Variants in LRP2 observed in about 807,000 individuals in gnomAD.
LRP2 encodes the protein low-density lipoprotein receptor-related protein 2.
Under a neutral mutation model 531.0 loss-of-function variants are expected in LRP2, and 172 were observed. The ratio of observed to expected loss-of-function variants is 0.32; its 90% CI spans 0.29 to 0.37. LRP2 has a LOEUF of 0.37. LRP2 is among the 10% of genes least tolerant of loss of function. LRP2 has a pLI of 1.00. For missense variants in LRP2, 5,167 were observed against 5,868.3 expected (o/e 0.88, Z 3.90); for synonymous variants, 1,992 against 2,027.6 (o/e 0.98, Z 0.47).
chr2:169,128,778 G>A lies in LRP2; in HGVS notation c.13853C>T (p.Ser4618Leu), dbSNP rs142430940. ...AGGAGGCTTAGGCTTAGCAGGGAGC[G>A]AAGGTGATGGAGGTGGTGTCGCAGC... ...SVAATPPPSPSLPAKPKPPSR... is the reference protein window; with the variant it reads ...SVAATPPPSPLLPAKPKPPSR... The change falls in exon 79 of 79, where the codon TCG (serine) becomes TTG (leucine). Residue 4618 changes from serine (S) to leucine (L), a missense_variant. Around this residue, in one of 6 missense-constraint regions of LRP2, gnomAD observed 348 missense variants for 369.3 expected, o/e 0.94. Coordinates refer to ENST00000649046, the MANE Select transcript of LRP2 (RefSeq NM_004525.3). 2.6e-5 allele frequency: 42 copies of A among 1,613,972 alleles called. No individual in the cohort carries two copies. The highest frequency in any genetic ancestry group is 3.1e-5 in the Non-Finnish European group (36 of 1,179,982).
intron 16 of LRP2, among the ~76,000 whole-genome samples, chr2:169,266,666 T>C (rs955278895): frequency 2.6e-5 from 4 of 152,046 alleles, no homozygotes; most frequent in Non-Finnish European, 2.9e-5. Flanking sequence ...TTAGTTGGTA[T>C]GTTATATTGC....
intron 59 of LRP2, 126 bp downstream of exon 59, chr2:169,170,425 G>T: frequency 1.3e-6 from 1 of 786,314 alleles, no homozygotes; most frequent in Non-Finnish European, 2.3e-6. Flanking sequence ...ACTGTGTTAT[G>T]CTAAGGTTTA....
At chr2:169,326,516 T>C (rs923445391) in intron 1 of LRP2, among the ~76,000 whole-genome samples, 8 of 151,776 alleles carry the variant, frequency 5.3e-5, no homozygotes, top group African/African-American at 1.9e-4. Context: ...GTTCACTCAG[T>C]GCTCAATGGT....
chr2:169,322,037 C>T (rs908087767), intron 1 of LRP2, among the ~76,000 whole-genome samples: 1 of 152,178 alleles, frequency 6.6e-6, no homozygotes, highest in Non-Finnish European at 1.5e-5. Flanking sequence ...TTATTTTATT[C>T]TTTCACAAAC....
intron 35 of LRP2, 28 bp from the exon 36 acceptor site, chr2:169,213,898 C>CATGG (rs1688684768): frequency 6.6e-7 from 1 of 1,521,348 alleles, no homozygotes. Context: ...TCATTAGTTT[C>CATGG]ATGGATTCAT....
At chr2:169,154,319 A>G in intron 66 of LRP2, 141 bp downstream of exon 66, 1 of 744,124 alleles carries the variant, frequency 1.3e-6, no homozygotes, top group Admixed American at 2.2e-5. Flanking sequence ...AGGCATCAGG[A>G]GCATGCTGGA....
In LRP2 at chr2:169,283,010, T is replaced by A; in HGVS notation, c.1043-9A>T. On this transcript the variant is annotated splice_polypyrimidine_tract_variant and intron_variant, in intron 9 of 78. Transcript: ENST00000649046. Reference sequence around the variant, plus strand: ...CTGGCAATCATCAAACTCTGCCATATGGAAAATACACATTTGTAGTCAAGG... The same window carrying A: ...CTGGCAATCATCAAACTCTGCCATAAGGAAAATACACATTTGTAGTCAAGG... 1 of 1,613,896 alleles carries A rather than the reference T, an allele frequency of 6.2e-7. No homozygotes were observed. Among genetic ancestry groups the A allele is most frequent in the East Asian group, 2.2e-5 (1 of 44,874 alleles).
intron 65 of LRP2, among the ~76,000 whole-genome samples, chr2:169,155,234 A>G (rs1686288255): frequency 1.3e-5 from 2 of 152,226 alleles, no homozygotes. Flanking sequence ...AACTGAATCC[A>G]ATTTAAGTAA....
In LRP2 at chr2:169,139,153, T is replaced by C. The variant is rs1037892079; in HGVS notation, c.13388+98A>G. ...TCTGTGGAATCGGTGAACTGCGTATTGTGCTTTTTTAACTTAGAAAGAAAA... is the reference window on the plus strand; with the variant it reads ...TCTGTGGAATCGGTGAACTGCGTATCGTGCTTTTTTAACTTAGAAAGAAAA... On this transcript the variant is annotated intron_variant, in intron 74 of 78. Transcript: ENST00000649046. The C allele has an allele frequency of 1.9e-6, 3 of 1,563,184 alleles. No homozygotes were observed. In the Admixed American group the frequency reaches 5.0e-5, roughly 26 times the overall value.
Position 169,162,571 on chromosome 2 carries a change from C to G in LRP2, c.11788G>C (p.Glu3930Gln). 6.2e-7 allele frequency: 1 copy of G among 1,614,156 alleles called. No homozygotes were observed. ...CRKPTPKPCT[E>Q]YEYKCGNGHC... ...CCATTGCCACACTTATATTCATATT[C>G]TGTACAAGGTTTAGGGGTCGGTTTT... The change falls in exon 63 of 79, where the codon GAA becomes CAA. Residue 3930 changes from glutamate to glutamine, a missense_variant. This residue lies in a region of LRP2 where 564 missense variants were observed against 747.7 expected (regional missense o/e 0.75). Transcript: ENST00000649046.
chr2:169,133,929 T>C (rs555474717), intron 76 of LRP2, among the ~76,000 whole-genome samples: 1 of 152,290 alleles, frequency 6.6e-6, no homozygotes, highest in African/African-American at 2.4e-5. Flanking sequence ...ACAGCCCCCA[T>C]TACTTCAGTC....
At position 169,137,411 on chromosome 2, in the gene LRP2, T is replaced by G. The variant is rs757334722; in HGVS notation, c.13601A>C (p.Lys4534Thr). The G allele has an allele frequency of 1.4e-5, 23 of 1,613,606 alleles. No homozygotes were observed. The highest frequency in any genetic ancestry group is 1.9e-5 in the Non-Finnish European group (22 of 1,179,646). The change falls in exon 76 of 79, where the codon AAA (lysine) becomes ACA (threonine). Residue 4534 changes from lysine (K) to threonine (T), a missense_variant. This residue lies in a region of LRP2 where 348 missense variants were observed against 369.3 expected (regional missense o/e 0.94). Coordinates refer to ENST00000649046, the MANE Select transcript of LRP2 (RefSeq NM_004525.3). ...PMYSARDSAV[K>T]VVQPIQVTVS... ...TCTCACCTGGATTGGCTGAACCACT[T>G]TGACAGCACTGTCTCTGGCTGAGTA... is the stretch of plus-strand genomic sequence containing the variant.
At chr2:169,162,823 C>T (rs956820954) in intron 62 of LRP2, among the ~76,000 whole-genome samples, 3 of 152,178 alleles carry the variant, frequency 2.0e-5, no homozygotes, top group Non-Finnish European at 2.9e-5. Flanking sequence ...GAAAAGCACA[C>T]GTGCCTCCTC....
chr2:169,248,719 G>A (rs1442548323), intron 19 of LRP2, among the ~76,000 whole-genome samples: 1 of 125,768 alleles, frequency 8.0e-6, no homozygotes, highest in African/African-American at 3.3e-5. Flanking sequence ...TTCCATCTGA[G>A]GTACCGGGTT....
chr2:169,324,548 G>A (rs1042632517), intron 1 of LRP2, among the ~76,000 whole-genome samples: 6 of 151,000 alleles, frequency 4.0e-5, no homozygotes, highest in Admixed American at 4.0e-4. Flanking sequence ...AAAAATTTAA[G>A]CGTTTTGAAA....
Position 169,219,822 on chromosome 2 carries a change from TA to T in LRP2, c.5648+631del, listed in dbSNP as rs3216575. Among the ~76,000 whole-genome samples the T allele has an allele frequency of 5.5e-3, 836 of 151,918 alleles. 9 individuals carry two copies. The Middle Eastern group carries it at 0.061, about 11-fold the overall frequency. ...AACTAAAATAAAAGTTGAAATTTTT[TA>T]AAAAAAATCCCTACTTGCTCCTTAT... is the stretch of plus-strand genomic sequence containing the variant. On this transcript the variant is annotated intron_variant, in intron 34 of 78. Transcript: ENST00000649046.
rs529828532 is a variant in LRP2, at chr2:169,237,019, T to C, written c.4691+84A>G. On this transcript the variant is annotated intron_variant, in intron 28 of 78. Transcript: ENST00000649046. The stretch of plus-strand genomic sequence containing the variant: ...TTTTAAATTTTGCATATCAGCAACA[T>C]GCATATCAGCTACATCATGTTACTG... The C allele has an allele frequency of 3.7e-5, 43 of 1,174,750 alleles. 1 individual carries two copies. In the South Asian group the frequency reaches 5.3e-4, roughly 15 times the overall value. 72.8% of individuals were successfully genotyped at this position (1,174,750 alleles called of 1,614,324 possible).
At position 169,235,995 on chromosome 2, in the gene LRP2, G is replaced by A. The variant is rs879176581; in HGVS notation, c.4765C>T (p.Arg1589Cys). ...ATCTTGTCCTGGACAATGACAGTGC[G>A]CATGCTGCCGTCCATGCTGGCTCGC... ...IERASMDGSM[R>C]TVIVQDKIFW... The change falls in exon 29 of 79, where the codon CGC (arginine) becomes TGC (cysteine). Residue 1589 changes from arginine (R) to cysteine (C), a missense_variant. Around this residue, in one of 6 missense-constraint regions of LRP2, gnomAD observed 2,811 missense variants for 3,058.0 expected, o/e 0.92. Coordinates refer to ENST00000649046, the MANE Select transcript of LRP2 (RefSeq NM_004525.3). 3 of 1,614,196 alleles carry A rather than the reference G, an allele frequency of 1.9e-6. No individual in the cohort carries two copies. The highest frequency in any genetic ancestry group is 1.1e-5 in the South Asian group (1 of 91,086).
chr2:169,170,727 T>C, intron 58 of LRP2, 60 bp from the exon 59 acceptor site: 5 of 1,196,804 alleles, frequency 4.2e-6, no homozygotes, highest in Non-Finnish European at 6.3e-6. Flanking sequence ...AGGAGACATC[T>C]TGTGAGCTGA....
Sources: allele counts gnomAD v4.1 joint callset (sites outside exome capture counted in the v4.1 genomes callset), GRCh38; gene constraint gnomAD v4.1.1; regional missense constraint gnomAD v4.1.1; transcripts MANE v1.5; gene names NCBI Gene and HGNC (gene_info 2026-07-23, HGNC 2026-07-21).